Variants in LPGAT1 observed in about 807,000 individuals in gnomAD.
The protein encoded by LPGAT1 is acyl-CoA:lysophosphatidylglycerol acyltransferase 1.
Under a neutral mutation model 47.5 loss-of-function variants are expected in LPGAT1, and 11 were observed. The ratio of observed to expected loss-of-function variants is 0.23; its 90% CI spans 0.15 to 0.38. The LOEUF (loss-of-function observed/expected upper bound fraction) is 0.38, where lower values mean the gene tolerates loss of function less well. Among genes scored for constraint, LPGAT1 ranks in the 10% least tolerant of loss-of-function variants. LPGAT1 has a pLI of 1.00. For synonymous variants in LPGAT1, 138 were observed against 144.2 expected, an observed-to-expected ratio of 0.96 and a Z score of 0.31; for missense variants, 293 against 439.0, an observed-to-expected ratio of 0.67 and a Z score of 2.97.
chr1:211,781,606 A>G (rs190260599), intron 5 of LPGAT1, among the ~76,000 whole-genome samples: 113 of 152,380 alleles, frequency 7.4e-4, no homozygotes, highest in African/African-American at 2.6e-3. Flanking sequence ...ATCTGAGTTA[A>G]ATCACAGACA....
intron 2 of LPGAT1, among the ~76,000 whole-genome samples, chr1:211,827,812 G>A (rs1361458110): frequency 6.6e-6 from 1 of 152,196 alleles, no homozygotes; most frequent in African/African-American, 2.4e-5. Flanking sequence ...CAACAAGACA[G>A]ATGACAAGGA....
At position 211,766,003 on chromosome 1, in the gene LPGAT1, C is replaced by T. The variant is rs116302549; in HGVS notation, c.854+12915G>A. Among the ~76,000 whole-genome samples, 434 of 152,182 alleles carry T rather than the reference C, an allele frequency of 2.9e-3. 1 individual carries two copies. Among genetic ancestry groups the T allele is most frequent in the African/African-American group, 8.5e-3 (351 of 41,500 alleles). ...GGAGAACAAAAAGGTAGAGGAAGGG[C>T]AAATTTACTCTCTCTGCTTGAGCTG... On this transcript the variant is annotated intron_variant, in intron 6 of 7. Coordinates refer to ENST00000366997, the MANE Select transcript of LPGAT1 (RefSeq NM_014873.3).
At chr1:211,754,887 C>T (rs982703655) in intron 6 of LPGAT1, among the ~76,000 whole-genome samples, 2 of 151,714 alleles carry the variant, frequency 1.3e-5, no homozygotes, top group African/African-American at 2.4e-5. Flanking sequence ...TGGTGGCAGG[C>T]GCCTGTAATC....
chr1:211,830,679 C>T lies in LPGAT1; in HGVS notation c.-134G>A. ...AGAAGGCGGTGGCGGGGCCCTGCCC[C>T]GCTCCGGCTGTGGCGCGGCCCGCGC... On this transcript the variant is annotated 5_prime_UTR_variant, in exon 1 of 8. Transcript: ENST00000366997. This position sits in a 1 kb window ranked among gnomAD's most constrained non-coding sequence, Gnocchi z 5.9. The T allele has an allele frequency of 1.7e-6, 2 of 1,191,342 alleles. No individual in the cohort carries two copies. Among genetic ancestry groups the T allele is most frequent in the Non-Finnish European group, 2.1e-6 (2 of 964,352 alleles). The allele number at this position is 1,191,342 out of a possible 1,614,324, so 73.8% of individuals were successfully genotyped here. A position where few individuals can be genotyped will look rare whatever the true frequency, so the allele number is the denominator to read the frequency against.
intron 2 of LPGAT1, among the ~76,000 whole-genome samples, chr1:211,819,042 T>C (rs1660273867): frequency 6.6e-6 from 1 of 152,196 alleles, no homozygotes; most frequent in Non-Finnish European, 1.5e-5. Flanking sequence ...GCTATTTTAA[T>C]TATAATTACA....
intron 2 of LPGAT1, among the ~76,000 whole-genome samples, chr1:211,805,243 G>GAGA (rs2102577077): frequency 6.6e-6 from 1 of 152,152 alleles, no homozygotes; most frequent in South Asian, 2.1e-4. Context: ...AGGAATGAAA[G>GAGA]AGAAGACATC....
rs1048683497 is a variant in LPGAT1 at position 211,830,086 on chromosome 1, G to C, written c.-28+487C>G. ...AGGGGATGATGAAAGGGGCAGAGAAGAGGCGACCGCAGCGCGGGGAGCCGG... is the reference window on the plus strand; with the variant it reads ...AGGGGATGATGAAAGGGGCAGAGAACAGGCGACCGCAGCGCGGGGAGCCGG... On this transcript the variant is annotated intron_variant, in intron 1 of 7. Transcript: ENST00000366997. This position sits in a 1 kb window ranked among gnomAD's most constrained non-coding sequence, Gnocchi z 5.9. 9 of 984,866 alleles carry C rather than the reference G, an allele frequency of 9.1e-6. No homozygotes were observed. The highest frequency in any genetic ancestry group is 1.7e-5 in the African/African-American group (1 of 57,180). 61.0% of individuals were successfully genotyped at this position (984,866 alleles called of 1,614,324 possible).
chr1:211,818,715 A>T (rs1426816599), intron 2 of LPGAT1, among the ~76,000 whole-genome samples: 1 of 152,186 alleles, frequency 6.6e-6, no homozygotes, highest in Non-Finnish European at 1.5e-5. Context: ...GGCAGACCAG[A>T]CCCTAGAGCT....
intron 2 of LPGAT1, among the ~76,000 whole-genome samples, chr1:211,803,775 T>TG (rs1265261145): frequency 6.6e-6 from 1 of 151,508 alleles, no homozygotes; most frequent in African/African-American, 2.4e-5. Flanking sequence ...TTTTTTTTTT[T>TG]TTTTTGACAC....
At chr1:211,803,565 G>A (rs925739212) in intron 2 of LPGAT1, among the ~76,000 whole-genome samples, 1 of 152,018 alleles carries the variant, frequency 6.6e-6, no homozygotes, top group African/African-American at 2.4e-5. Flanking sequence ...ACCAAAGCAA[G>A]CAAAAGAAGA....
chr1:211,752,668 C>T (rs1004948749), intron 6 of LPGAT1, among the ~76,000 whole-genome samples: 1 of 148,586 alleles, frequency 6.7e-6, no homozygotes, highest in African/African-American at 2.5e-5. Flanking sequence ...ACCACCTTGC[C>T]CAATCAGATC....
Position 211,749,962 on chromosome 1 carries a change from A to G in LPGAT1, c.1050T>C (p.Phe350=). 1.2e-6 allele frequency: 2 copies of G among 1,614,116 alleles called. No individual in the cohort carries two copies. Among genetic ancestry groups the G allele is most frequent in the Non-Finnish European group, 1.7e-6 (2 of 1,179,960 alleles). ...SNLWIFLIQS[F]AFLSGYMWYN... ...ACCACATATAGCCTGACAAAAATGC[A>G]AAAGACTGTATGAGAAATATCCACA... is the stretch of plus-strand genomic sequence containing the variant. The change falls in exon 8 of 8, where the codon TTT becomes TTC. Residue 350 remains phenylalanine, a synonymous_variant. Transcript: ENST00000366997.
At chr1:211,762,948 A>C (rs1219776333) in intron 6 of LPGAT1, among the ~76,000 whole-genome samples, 1 of 152,216 alleles carries the variant, frequency 6.6e-6, no homozygotes. Context: ...AGCACCGAAG[A>C]AGATTCTGAA....
chr1:211,771,092 C>G (rs1571710873), intron 6 of LPGAT1, among the ~76,000 whole-genome samples: 1 of 144,302 alleles, frequency 6.9e-6, no homozygotes, highest in East Asian at 2.1e-4. Flanking sequence ...GAGAGAGACA[C>G]TATCTCAAAA....
At chr1:211,803,771 T>TTC (rs1022841748) in intron 2 of LPGAT1, among the ~76,000 whole-genome samples, 2 of 151,342 alleles carry the variant, frequency 1.3e-5, no homozygotes, top group African/African-American at 4.8e-5. Context: ...TTTCTTTTTT[T>TTC]TTTTTTTTTG....
At chr1:211,755,930 T>A (rs1484031776) in intron 6 of LPGAT1, among the ~76,000 whole-genome samples, 1 of 152,144 alleles carries the variant, frequency 6.6e-6, no homozygotes, top group Non-Finnish European at 1.5e-5. Context: ...TCCAGAAACT[T>A]CAAGTTTCAG....
At chr1:211,829,551 A>G in intron 1 of LPGAT1, 1 of 1,378,038 alleles carries the variant, frequency 7.3e-7, no homozygotes, top group Non-Finnish European at 9.4e-7. Flanking sequence ...GAAGTATGTC[A>G]CAATATATTT....
intron 2 of LPGAT1, among the ~76,000 whole-genome samples, chr1:211,809,574 C>G (rs1344923592): frequency 6.6e-6 from 1 of 152,032 alleles, no homozygotes. Flanking sequence ...TGGGAGGGAC[C>G]TGGTGGGAGG....
intron 2 of LPGAT1, among the ~76,000 whole-genome samples, chr1:211,807,485 C>T (rs1405422062): frequency 6.6e-6 from 1 of 151,892 alleles, no homozygotes; most frequent in African/African-American, 2.4e-5. Flanking sequence ...TTGGAAGAAT[C>T]GCACTACCCA....
Sources: allele counts gnomAD v4.1 joint callset (sites outside exome capture counted in the v4.1 genomes callset), GRCh38; gene constraint gnomAD v4.1.1; non-coding constraint Gnocchi (gnomAD v3.1); transcripts MANE v1.5; gene names NCBI Gene and HGNC (gene_info 2026-07-23, HGNC 2026-07-21).